MFN1: variants seen among roughly 807,000 people sequenced by gnomAD.
MFN1 encodes the protein mitofusin 1.
Under a neutral mutation model 92.4 loss-of-function variants are expected in MFN1, and 65 were observed. That is an observed-to-expected ratio of 0.70 (90% confidence interval 0.58 to 0.86). The LOEUF (loss-of-function observed/expected upper bound fraction) is 0.86, where lower values mean the gene tolerates loss of function less well. Among genes scored for constraint, MFN1 ranks in the 40% least tolerant of loss-of-function variants. MFN1 has a pLI of 0.00. For missense variants in MFN1, 781 were observed against 868.0 expected, an observed-to-expected ratio of 0.90 and a Z score of 1.26; for synonymous variants, 297 against 300.9, an observed-to-expected ratio of 0.99 and a Z score of 0.13.
At chr3:179,362,861 T>C (rs1221969292) in intron 5 of MFN1, among the ~76,000 whole-genome samples, 2 of 152,182 alleles carry the variant, frequency 1.3e-5, no homozygotes, top group African/African-American at 4.8e-5. Flanking sequence ...TTTTTGATAA[T>C]GGATTTTCCT....
At chr3:179,389,736 T>C (rs996412022) in intron 16 of MFN1, among the ~76,000 whole-genome samples, 1 of 152,144 alleles carries the variant, frequency 6.6e-6, no homozygotes, top group East Asian at 1.9e-4. Context: ...GTAAAGTTTA[T>C]TGTGCTTCTG....
intron 10 of MFN1, among the ~76,000 whole-genome samples, 197 bp downstream of exon 10, chr3:179,375,538 A>T (rs1713207344): frequency 6.6e-6 from 1 of 152,332 alleles, no homozygotes; most frequent in Non-Finnish European, 1.5e-5. Context: ...TGCACACATC[A>T]TTTATATCCC....
chr3:179,376,345 G>T (rs1713239561), intron 10 of MFN1, among the ~76,000 whole-genome samples: 1 of 152,020 alleles, frequency 6.6e-6, no homozygotes, highest in South Asian at 2.1e-4. Flanking sequence ...CCCAAATTTT[G>T]GCCTAAAAGT....
intron 3 of MFN1, among the ~76,000 whole-genome samples, chr3:179,356,176 A>G (rs1468273411): frequency 6.6e-6 from 1 of 152,224 alleles, no homozygotes; most frequent in Non-Finnish European, 1.5e-5. Context: ...AGATAACCTC[A>G]GAGGGTGACC....
At chr3:179,374,379 AACAT>A in intron 9 of MFN1, among the ~76,000 whole-genome samples, 1 of 129,646 alleles carries the variant, frequency 7.7e-6, no homozygotes, top group East Asian at 2.0e-4. Flanking sequence ...ATATATATAT[AACAT>A]ATATAACATA....
chr3:179,364,781 A>G (rs147239256), intron 6 of MFN1, among the ~76,000 whole-genome samples: 2,309 of 152,298 alleles, frequency 0.015, 52 homozygotes, highest in African/African-American at 0.052. Flanking sequence ...AGCTATTTCC[A>G]GCTTCACCAG....
At chr3:179,388,663 C>T (rs1241268883) in intron 16 of MFN1, among the ~76,000 whole-genome samples, 1 of 152,088 alleles carries the variant, frequency 6.6e-6, no homozygotes, top group African/African-American at 2.4e-5. Context: ...TATCATAAGG[C>T]AAGGCTGTAC....
At chr3:179,370,632 G>A (rs867916042) in intron 9 of MFN1, among the ~76,000 whole-genome samples, 2 of 151,932 alleles carry the variant, frequency 1.3e-5, no homozygotes, top group Non-Finnish European at 2.9e-5. Flanking sequence ...GGATGGTCTC[G>A]ATCTCCTGAC....
chr3:179,365,249 T>G (rs1174389782), intron 7 of MFN1, 24 bp downstream of exon 7: 2 of 1,353,658 alleles, frequency 1.5e-6, no homozygotes, highest in East Asian at 2.6e-5. Context: ...TTTTTTTTTG[T>G]AGGTTTTGAA....
In MFN1 at chr3:179,392,231, A is replaced by G. The variant is rs919337353; in HGVS notation, c.*172A>G. The G allele has an allele frequency of 2.1e-6, 1 of 481,988 alleles. No homozygotes were observed. 29.9% of individuals were successfully genotyped at this position (481,988 alleles called of 1,614,324 possible). Reference sequence around the variant, plus strand: ...TGTCTCAGGGTATGTGTATTTTTGAAGAGTGTTATGTCCTTAGTTTTAATT... The same window carrying G: ...TGTCTCAGGGTATGTGTATTTTTGAGGAGTGTTATGTCCTTAGTTTTAATT... On this transcript the variant is annotated 3_prime_UTR_variant, in exon 18 of 18. Coordinates refer to ENST00000471841, the MANE Select transcript of MFN1 (RefSeq NM_033540.3).
intron 3 of MFN1, among the ~76,000 whole-genome samples, chr3:179,354,762 A>G (rs890911777): frequency 6.6e-6 from 1 of 152,150 alleles, no homozygotes; most frequent in African/African-American, 2.4e-5. Flanking sequence ...CGGGTAGGCA[A>G]TTCCCAGAAC....
chr3:179,353,473 G>A (rs1294915123), intron 3 of MFN1, among the ~76,000 whole-genome samples: 1 of 152,184 alleles, frequency 6.6e-6, no homozygotes, highest in Non-Finnish European at 1.5e-5. Flanking sequence ...CTCCCAAAGT[G>A]CTGGGATTAC....
Position 179,386,507 on chromosome 3 carries a change from A to G in MFN1, c.1890A>G (p.Arg630=), listed in dbSNP as rs778418748. ...ATGGAGCTTTGTATCTTTATGAAAG[A>G]CTGAGCTGGACCACCCATGCCAAGG... ...TMYGALYLYE[R]LSWTTHAKER... The change falls in exon 16 of 18, where the codon AGA becomes AGG. Residue 630 remains arginine (R), a synonymous_variant. Coordinates refer to ENST00000471841, the MANE Select transcript of MFN1 (RefSeq NM_033540.3). 1.2e-6 allele frequency: 2 copies of G among 1,614,082 alleles called. No individual in the cohort carries two copies. The highest frequency in any genetic ancestry group is 2.2e-5 in the South Asian group (2 of 91,086).
At chr3:179,361,477 A>C (rs1386662533) in intron 4 of MFN1, among the ~76,000 whole-genome samples, 1 of 151,786 alleles carries the variant, frequency 6.6e-6, no homozygotes, top group African/African-American at 2.4e-5. Flanking sequence ...CCCCTGTAGT[A>C]GCTCCCAGTG....
At position 179,394,407 on chromosome 3, in the gene MFN1, A is replaced by ATT. The variant is rs1714018951; in HGVS notation, c.*2348_*2349insTT. The ATT allele has an allele frequency of 7.9e-6, 1 of 126,786 alleles. No individual in the cohort carries two copies. Among genetic ancestry groups the ATT allele is most frequent in the Non-Finnish European group, 1.6e-5 (1 of 61,224 alleles). The allele number at this position is 126,786 out of a possible 1,614,324, so 7.9% of individuals were successfully genotyped here. A position where few individuals can be genotyped will look rare whatever the true frequency, so the allele number is the denominator to read the frequency against. ...TGGAACAGTAAAATAACGAAAGCCA[A>ATT]CTTTTTTTTTTTTTTTTTTTTTTTT... is the stretch of plus-strand genomic sequence containing the variant. On this transcript the variant is annotated 3_prime_UTR_variant, in exon 18 of 18. Coordinates refer to ENST00000471841, the MANE Select transcript of MFN1 (RefSeq NM_033540.3).
intron 3 of MFN1, among the ~76,000 whole-genome samples, 180 bp from the exon 4 acceptor site, chr3:179,358,660 T>A (rs775015548): frequency 1.3e-5 from 2 of 152,228 alleles, no homozygotes; most frequent in Non-Finnish European, 2.9e-5. Flanking sequence ...GCACTTTATT[T>A]TTTCTGAAAT....
At position 179,348,893 on chromosome 3, in the gene MFN1, TAAG is replaced by T. The variant is rs1712028252; in HGVS notation, c.46_48del (p.Lys16del). 6.2e-7 allele frequency: 1 copy of T among 1,608,422 alleles called. No homozygotes were observed. The highest frequency in any genetic ancestry group is 8.5e-7 in the Non-Finnish European group (1 of 1,175,548). On this transcript the variant is annotated inframe_deletion, in exon 2 of 18. Coordinates refer to ENST00000471841, the MANE Select transcript of MFN1 (RefSeq NM_033540.3). ...CTCCACTGAAGCACTTTGTGCTGGC[TAAG>T]AAGGCGATTACTGCAATCTTTGACC...
chr3:179,377,030 A>G lies in MFN1; in HGVS notation c.1098-12A>G, dbSNP rs774940371. On this transcript the variant is annotated splice_polypyrimidine_tract_variant and intron_variant, in intron 10 of 17. Coordinates refer to ENST00000471841, the MANE Select transcript of MFN1 (RefSeq NM_033540.3). ...CTACCCTGAACGTTGATTACTCTTT[A>G]TACTGAAATAGGCATTATTCAGTGG... The G allele has an allele frequency of 2.5e-6, 4 of 1,612,488 alleles. No homozygotes were observed. In the Admixed American group the frequency reaches 6.7e-5, roughly 27 times the overall value.
intron 14 of MFN1, among the ~76,000 whole-genome samples, chr3:179,382,189 T>G (rs542409939): frequency 6.6e-6 from 1 of 152,320 alleles, no homozygotes; most frequent in South Asian, 2.1e-4. Flanking sequence ...ATCATTTACA[T>G]TAGGTATATC....
Sources: allele counts gnomAD v4.1 joint callset (sites outside exome capture counted in the v4.1 genomes callset), GRCh38; gene constraint gnomAD v4.1.1; transcripts MANE v1.5; gene names NCBI Gene and HGNC (gene_info 2026-07-23, HGNC 2026-07-21).